The following CNOT1 variants were observed in gnomAD, a reference collection of about 807,000 sequenced individuals.
The protein encoded by CNOT1 is CCR4-NOT transcription complex subunit 1.
A neutral mutation model predicts 273.8 loss-of-function variants in CNOT1; 15 were observed. The ratio of observed to expected loss-of-function variants is 0.05; its 90% CI spans 0.04 to 0.08. The LOEUF (loss-of-function observed/expected upper bound fraction) is 0.08. CNOT1 is among the 10% of genes least tolerant of loss of function. The pLI is 1.00. For synonymous variants in CNOT1, 1,022 were observed against 1,005.5 expected (o/e 1.02, Z -0.31); for missense variants, 1,644 against 2,912.2 (o/e 0.56, Z 10.02).
chr16:58,543,165 A>G, intron 31 of CNOT1: 1 of 1,424,402 alleles, frequency 7.0e-7, no homozygotes, highest in Non-Finnish European at 9.2e-7. Context: ...ATTAATCATG[A>G]TACCTGAATT....
intron 2 of CNOT1, among the ~76,000 whole-genome samples, chr16:58,596,107 C>T (rs2042240421): frequency 6.6e-6 from 1 of 152,174 alleles, no homozygotes; most frequent in Admixed American, 6.5e-5. Context: ...TAAACACTGA[C>T]AGCACCTGTG....
chr16:58,580,318 G>C (rs78793832), intron 12 of CNOT1, among the ~76,000 whole-genome samples: 1 of 149,082 alleles, frequency 6.7e-6, no homozygotes, highest in East Asian at 1.9e-4. Flanking sequence ...AAAAAAAAAG[G>C]CATAAGCTCT....
intron 44 of CNOT1, 47 bp downstream of exon 44, chr16:58,528,428 C>T (rs1414770375): frequency 1.5e-6 from 2 of 1,375,196 alleles, no homozygotes; most frequent in East Asian, 2.3e-5. Flanking sequence ...AGAGAAAGGA[C>T]TGAAATATTA....
intron 39 of CNOT1, among the ~76,000 whole-genome samples, chr16:58,536,395 G>A (rs1187301211): frequency 2.0e-5 from 3 of 152,154 alleles, no homozygotes; most frequent in Admixed American, 6.5e-5. Flanking sequence ...CTATGGCTCG[G>A]TTCCGACATT....
chr16:58,602,568 A>AC (rs2042510916), intron 1 of CNOT1, among the ~76,000 whole-genome samples: 1 of 147,170 alleles, frequency 6.8e-6, no homozygotes, highest in African/African-American at 2.5e-5. Flanking sequence ...AAAAAAAAAA[A>AC]AAAAAAAAAC....
At chr16:58,536,875 A>G (rs1567391745) in intron 39 of CNOT1, 114 bp downstream of exon 39, 4 of 1,453,808 alleles carry the variant, frequency 2.8e-6, no homozygotes, top group East Asian at 4.8e-5. Context: ...TTGGGTTTGC[A>G]TGAGTATGGA....
At position 58,622,139 on chromosome 16, in the gene CNOT1, C is replaced by T. The variant is rs559105755; in HGVS notation, c.-175+7589G>A. Among the ~76,000 whole-genome samples, 223 of 151,252 alleles carry T rather than the reference C, an allele frequency of 1.5e-3. 1 individual carries two copies. Among genetic ancestry groups the T allele is most frequent in the Non-Finnish European group, 1.7e-3 (116 of 67,850 alleles). On this transcript the variant is annotated intron_variant, in intron 1 of 48. Transcript: ENST00000317147. ...CATCCTGGCTAACACGGTGAAACCC[C>T]GTCTCTACTAAAAAACTATAAAAAA...
chr16:58,549,642 C>A, intron 25 of CNOT1, 77 bp downstream of exon 25: 2 of 1,500,714 alleles, frequency 1.3e-6, no homozygotes, highest in South Asian at 1.4e-5. Flanking sequence ...GGAAAAATAG[C>A]AAAAATCCTA....
intron 1 of CNOT1, among the ~76,000 whole-genome samples, chr16:58,628,837 G>C (rs1279611898): frequency 1.3e-5 from 2 of 152,204 alleles, no homozygotes; most frequent in Non-Finnish European, 2.9e-5. Context: ...TTACTCCTCG[G>C]GGAGTTAGTA....
chr16:58,556,812 C>A, intron 19 of CNOT1, 35 bp downstream of exon 19: 1 of 1,603,694 alleles, frequency 6.2e-7, no homozygotes, highest in South Asian at 1.1e-5. Flanking sequence ...TTTTATCAGT[C>A]ACACTTCACA....
intron 13 of CNOT1, among the ~76,000 whole-genome samples, chr16:58,578,201 C>T (rs1260899179): frequency 6.6e-6 from 1 of 152,122 alleles, no homozygotes; most frequent in East Asian, 1.9e-4. Context: ...CACCTGTAAT[C>T]CCAGAACTTT....
chr16:58,553,809 A>G lies in CNOT1; in HGVS notation c.2943T>C (p.Phe981=). 6.2e-7 allele frequency: 1 copy of G among 1,611,780 alleles called. No homozygotes were observed. The highest frequency in any genetic ancestry group is 8.5e-7 in the Non-Finnish European group (1 of 1,179,438). The change falls in exon 22 of 49, where the codon TTT becomes TTC. Residue 981 remains phenylalanine (F), a synonymous_variant. Transcript: ENST00000317147. ...CCTGTAAATGATGTGGAAATTGCATAAAGTGACTGATAGAAGCCAAATGCT... is the reference window on the plus strand; with the variant it reads ...CCTGTAAATGATGTGGAAATTGCATGAAGTGACTGATAGAAGCCAAATGCT... ...YCQHLASISH[F]MQFPHHLQEY...
chr16:58,593,838 AC>A (rs1181253150), intron 2 of CNOT1, among the ~76,000 whole-genome samples: 2 of 152,246 alleles, frequency 1.3e-5, no homozygotes, highest in African/African-American at 4.8e-5. Flanking sequence ...TGATACAGAT[AC>A]ACAAAATATG....
rs2043018877 is a variant in CNOT1, at chr16:58,614,805, GC to G, written c.-175+14922del. On this transcript the variant is annotated intron_variant, in intron 1 of 48. Coordinates refer to ENST00000317147, the MANE Select transcript of CNOT1 (RefSeq NM_016284.5). ...GCTCACTGCAGCCTCTACCTCCCAG[GC>G]TCAAGCGATCCTCCTGCCTCAGCTT... Among the ~76,000 whole-genome samples, 2 of 125,400 alleles carry G rather than the reference GC, an allele frequency of 1.6e-5. 1 individual carries two copies. The highest frequency in any genetic ancestry group is 3.8e-5 in the Non-Finnish European group (2 of 52,680). 82.3% of individuals were successfully genotyped at this position (125,400 alleles called of 152,430 possible). A position where few individuals can be genotyped will look rare whatever the true frequency, so the allele number is the denominator to read the frequency against.
At position 58,547,777 on chromosome 16, in the gene CNOT1, C is replaced by T; in HGVS notation, c.3523-95G>A. 8.3e-7 allele frequency: 1 copy of T among 1,211,710 alleles called. No individual in the cohort carries two copies. Among genetic ancestry groups the T allele is most frequent in the Non-Finnish European group, 1.1e-6 (1 of 889,346 alleles). The allele number at this position is 1,211,710 out of a possible 1,614,324, so 75.1% of individuals were successfully genotyped here. ...GAATTCCATTATCCTATCCTAAAGACAAGTCATCATTTCTAAGAACAGGCC... is the reference window on the plus strand; with the variant it reads ...GAATTCCATTATCCTATCCTAAAGATAAGTCATCATTTCTAAGAACAGGCC... On this transcript the variant is annotated intron_variant, in intron 25 of 48. Coordinates refer to ENST00000317147, the MANE Select transcript of CNOT1 (RefSeq NM_016284.5). The surrounding 1 kb of genome is among the most constrained non-coding windows in gnomAD (Gnocchi z 4.0).
chr16:58,627,571 T>A (rs1171285265), intron 1 of CNOT1, among the ~76,000 whole-genome samples: 1 of 151,596 alleles, frequency 6.6e-6, no homozygotes, highest in Middle Eastern at 3.2e-3. Context: ...ATGACTTGAC[T>A]CCAAATAAGA....
At chr16:58,551,497 A>G (rs2040448109) in intron 23 of CNOT1, 92 bp downstream of exon 23, 1 of 1,389,804 alleles carries the variant, frequency 7.2e-7, no homozygotes, top group Non-Finnish European at 1.0e-6. Context: ...TTTAGTAGGC[A>G]TGTGTTATGA....
At chr16:58,554,876 C>T (rs2040576935) in intron 21 of CNOT1, among the ~76,000 whole-genome samples, 1 of 141,128 alleles carries the variant, frequency 7.1e-6, no homozygotes, top group Non-Finnish European at 1.5e-5. Flanking sequence ...GCGGAAGGTG[C>T]AGTGGGCCCA....
Position 58,528,460 on chromosome 16 carries a change from T to A in CNOT1, c.6453+15A>T, listed in dbSNP as rs746001672. On this transcript the variant is annotated intron_variant, in intron 44 of 48. Coordinates refer to ENST00000317147, the MANE Select transcript of CNOT1 (RefSeq NM_016284.5). ...ATTAAGACATAAGTTTTCCTTTAAC[T>A]AGTTGGAACCTTACCTTTAGATTAG... The A allele has an allele frequency of 6.3e-7, 1 of 1,594,242 alleles. No homozygotes were observed.
Sources: gnomAD v4.1 joint callset for allele counts (sites outside exome capture counted in the v4.1 genomes callset) on GRCh38, gnomAD v4.1.1 for gene constraint, Gnocchi (gnomAD v3.1) non-coding constraint, MANE v1.5 for transcripts, NCBI Gene and HGNC (gene_info 2026-07-23, HGNC 2026-07-21) for gene names.